Variants in TTL observed in about 807,000 individuals in gnomAD.
TTL encodes tubulin tyrosine ligase, also known as tubulin--tyrosine ligase.
TTL carries 10 observed loss-of-function variants against 41.1 expected under a neutral mutation model. The ratio of observed to expected loss-of-function variants is 0.24; its 90% CI spans 0.15 to 0.41. The LOEUF is 0.41. Among genes scored for constraint, TTL ranks in the 10% least tolerant of loss-of-function variants. The pLI is 1.00. For synonymous variants in TTL, 175 were observed against 175.5 expected (o/e 1.00, Z 0.02); for missense variants, 367 against 460.4 (o/e 0.80, Z 1.86).
intron 3 of TTL, among the ~76,000 whole-genome samples, chr2:112,496,709 ATT>A (rs1311299876): frequency 2.1e-4 from 12 of 57,186 alleles, no homozygotes; most frequent in South Asian, 1.1e-3. Flanking sequence ...GTGTGTGTGT[ATT>A]TTTTTTTTTT....
At chr2:112,500,476 C>T (rs1193152232) in intron 3 of TTL, among the ~76,000 whole-genome samples, 5 of 152,120 alleles carry the variant, frequency 3.3e-5, no homozygotes, top group African/African-American at 9.7e-5. Flanking sequence ...GAGGCTGAGG[C>T]AGGAGAATTG....
rs1229065980 is a variant in TTL at position 112,534,741 on chromosome 2, A to G, written c.*5946A>G. ...CAAACTGACCAAAAGACTTAGAAGGAAAAACTGGGAATGAGATTTCTATAG... is the reference window on the plus strand; with the variant it reads ...CAAACTGACCAAAAGACTTAGAAGGGAAAACTGGGAATGAGATTTCTATAG... On this transcript the variant is annotated 3_prime_UTR_variant, in exon 7 of 7. Transcript: ENST00000233336. 6.6e-6 allele frequency: 1 copy of G among 152,250 alleles called. No homozygotes were observed. Among genetic ancestry groups the G allele is most frequent in the East Asian group, 1.9e-4 (1 of 5,204 alleles). The allele number at this position is 152,250 out of a possible 1,614,324, so 9.4% of individuals were successfully genotyped here. A position where few individuals can be genotyped will look rare whatever the true frequency, so the allele number is the denominator to read the frequency against.
At chr2:112,504,071 T>TA (rs1433546083) in intron 5 of TTL, among the ~76,000 whole-genome samples, 2 of 52,002 alleles carry the variant, frequency 3.8e-5, no homozygotes, top group East Asian at 1.0e-3. Flanking sequence ...GTGTTTGGTT[T>TA]TTTGTTCTTG....
In TTL at chr2:112,535,498, C is replaced by T. The variant is rs1242489867; in HGVS notation, c.*6703C>T. ...CAGGAAAGACTCAAAGAGTCCACCT[C>T]AAGACACACCAGCCACTAAGTAAAT... On this transcript the variant is annotated 3_prime_UTR_variant, in exon 7 of 7. Transcript: ENST00000233336. The T allele has an allele frequency of 6.6e-6, 1 of 151,812 alleles. No individual in the cohort carries two copies. The highest frequency in any genetic ancestry group is 1.5e-5 in the Non-Finnish European group (1 of 67,974). 9.4% of individuals were successfully genotyped at this position (151,812 alleles called of 1,614,324 possible). A position where few individuals can be genotyped will look rare whatever the true frequency, so the allele number is the denominator to read the frequency against.
rs1681112621 is a variant in TTL at position 112,482,351 on chromosome 2, A to T, written c.7A>T (p.Thr3Ser). The T allele has an allele frequency of 6.4e-7, 1 of 1,551,684 alleles. No homozygotes were observed. Among genetic ancestry groups the T allele is most frequent in the East Asian group, 2.5e-5 (1 of 40,538 alleles). Residue 3 changes from threonine (T) to serine (S), a missense_variant, in exon 1 of 7, where the codon ACC (threonine) becomes TCC (serine). Thr to Ser is a moderately conservative substitution (Grantham distance 58, BLOSUM62 1). Coordinates refer to ENST00000233336, the MANE Select transcript of TTL (RefSeq NM_153712.5). This position sits in a 1 kb window ranked among gnomAD's most constrained non-coding sequence, Gnocchi z 5.3. The part of the protein sequence containing the change: MY[T>S]FVVRDENSSV... Reference sequence around the variant, plus strand: ...GGGCGCGCGGCGCTTCGCCATGTACACCTTCGTGGTACGCGATGAGAACAG... The same window carrying T: ...GGGCGCGCGGCGCTTCGCCATGTACTCCTTCGTGGTACGCGATGAGAACAG...
intron 5 of TTL, among the ~76,000 whole-genome samples, chr2:112,515,098 T>C (rs1483863609): frequency 6.6e-6 from 1 of 152,190 alleles, no homozygotes; most frequent in Admixed American, 6.5e-5. Flanking sequence ...ATTATAGTTG[T>C]CTTATGAAAT....
rs1024208374 is a variant in TTL, at chr2:112,535,293, C to T, written c.*6498C>T. Reference sequence around the variant, plus strand: ...AATCAGCAAAGAAAAATGATCAGTGCTTCAGACACCCGTCAGACACCATCA... The same window carrying T: ...AATCAGCAAAGAAAAATGATCAGTGTTTCAGACACCCGTCAGACACCATCA... On this transcript the variant is annotated 3_prime_UTR_variant, in exon 7 of 7. Transcript: ENST00000233336. 4 of 151,958 alleles carry T rather than the reference C, an allele frequency of 2.6e-5. No individual in the cohort carries two copies. The highest frequency in any genetic ancestry group is 2.6e-4 in the Admixed American group (4 of 15,248). 9.4% of individuals were successfully genotyped at this position (151,958 alleles called of 1,614,324 possible). A position where few individuals can be genotyped will look rare whatever the true frequency, so the allele number is the denominator to read the frequency against.
intron 3 of TTL, among the ~76,000 whole-genome samples, chr2:112,494,762 C>G (rs188476062): frequency 1.3e-5 from 2 of 152,330 alleles, no homozygotes; most frequent in East Asian, 3.9e-4. Flanking sequence ...CTACTGTATT[C>G]TTTACAATCT....
In TTL at chr2:112,539,838, C is replaced by T. The variant is rs1260693488; in HGVS notation, c.*11043C>T. On this transcript the variant is annotated 3_prime_UTR_variant, in exon 7 of 7. Coordinates refer to ENST00000233336, the MANE Select transcript of TTL (RefSeq NM_153712.5). ...AAGAGTTTAGCAAGATTGCCAGACACAAGATCAATATACAAAACTCAATGG... is the reference window on the plus strand; with the variant it reads ...AAGAGTTTAGCAAGATTGCCAGACATAAGATCAATATACAAAACTCAATGG... 2.0e-5 allele frequency: 3 copies of T among 152,122 alleles called. No homozygotes were observed. Among genetic ancestry groups the T allele is most frequent in the African/African-American group, 7.2e-5 (3 of 41,404 alleles). The allele number at this position is 152,122 out of a possible 1,614,324, so 9.4% of individuals were successfully genotyped here.
chr2:112,526,932 TA>T (rs1322210275), intron 6 of TTL, among the ~76,000 whole-genome samples: 1 of 152,262 alleles, frequency 6.6e-6, no homozygotes, highest in Non-Finnish European at 1.5e-5. Context: ...TTTAGTGCTA[TA>T]AATTTCTGTC....
At position 112,535,435 on chromosome 2, in the gene TTL, A is replaced by C. The variant is rs1682581211; in HGVS notation, c.*6640A>C. On this transcript the variant is annotated 3_prime_UTR_variant, in exon 7 of 7. Transcript: ENST00000233336. ...AAAACCTTTCCCACTTTGAGGAAAA[A>C]CATTAAAGTGAATCCAAGAAGCTCA... 1 of 152,208 alleles carries C rather than the reference A, an allele frequency of 6.6e-6. No homozygotes were observed. The highest frequency in any genetic ancestry group is 2.1e-4 in the South Asian group (1 of 4,826). 9.4% of individuals were successfully genotyped at this position (152,208 alleles called of 1,614,324 possible). A position where few individuals can be genotyped will look rare whatever the true frequency, so the allele number is the denominator to read the frequency against.
At chr2:112,525,368 A>G (rs1374204219) in intron 6 of TTL, among the ~76,000 whole-genome samples, 1 of 152,182 alleles carries the variant, frequency 6.6e-6, no homozygotes, top group African/African-American at 2.4e-5. Flanking sequence ...TTGAATCTAT[A>G]AATTACCTTG....
rs1388771453 is a variant in TTL at position 112,535,581 on chromosome 2, T to C, written c.*6786T>C. 2 of 149,564 alleles carry C rather than the reference T, an allele frequency of 1.3e-5. No homozygotes were observed. The highest frequency in any genetic ancestry group is 2.1e-4 in the South Asian group (1 of 4,748). 9.3% of individuals were successfully genotyped at this position (149,564 alleles called of 1,614,324 possible). On this transcript the variant is annotated 3_prime_UTR_variant, in exon 7 of 7. Coordinates refer to ENST00000233336, the MANE Select transcript of TTL (RefSeq NM_153712.5). ...AACAGAAATGTTACACTAGAAAATA[T>C]ATAAGAAAAGAGAAGGAAGTAATGA... is the stretch of plus-strand genomic sequence containing the variant.
intron 6 of TTL, chr2:112,522,393 C>T (rs1303438955): frequency 6.6e-6 from 1 of 152,650 alleles, no homozygotes; most frequent in African/African-American, 2.4e-5. Context: ...TCCCCACCCC[C>T]TTGGACCTGT....
Position 112,529,244 on chromosome 2 carries a change from G to T in TTL, c.*449G>T, listed in dbSNP as rs1241883220. 1 of 278,352 alleles carries T rather than the reference G, an allele frequency of 3.6e-6. No individual in the cohort carries two copies. The highest frequency in any genetic ancestry group is 6.9e-6 in the Non-Finnish European group (1 of 145,176). 17.2% of individuals were successfully genotyped at this position (278,352 alleles called of 1,614,324 possible). On this transcript the variant is annotated 3_prime_UTR_variant, in exon 7 of 7. Coordinates refer to ENST00000233336, the MANE Select transcript of TTL (RefSeq NM_153712.5). Reference sequence around the variant, plus strand: ...CCACCCATCCCTTCGGTAACACTCTGCCACACTAAGCTCTGTACAAGCATG... The same window carrying T: ...CCACCCATCCCTTCGGTAACACTCTTCCACACTAAGCTCTGTACAAGCATG...
At chr2:112,510,286 T>C (rs561360987) in intron 5 of TTL, among the ~76,000 whole-genome samples, 1 of 152,142 alleles carries the variant, frequency 6.6e-6, no homozygotes, top group Admixed American at 6.5e-5. Context: ...TACACCACTG[T>C]GCCTGGCTAA....
In TTL at chr2:112,533,305, G is replaced by A. The variant is rs1249221427; in HGVS notation, c.*4510G>A. On this transcript the variant is annotated 3_prime_UTR_variant, in exon 7 of 7. Coordinates refer to ENST00000233336, the MANE Select transcript of TTL (RefSeq NM_153712.5). ...CAGGGTGCAGGGTGCAAGCAGACAT[G>A]GATCCAGGCAGGCACCTACTTAGGA... 1 of 152,400 alleles carries A rather than the reference G, an allele frequency of 6.6e-6. No individual in the cohort carries two copies. Among genetic ancestry groups the A allele is most frequent in the Non-Finnish European group, 1.5e-5 (1 of 68,266 alleles). The allele number at this position is 152,400 out of a possible 1,614,324, so 9.4% of individuals were successfully genotyped here. A position where few individuals can be genotyped will look rare whatever the true frequency, so the allele number is the denominator to read the frequency against.
rs1574049978 is a variant in TTL, at chr2:112,482,702, C to T, written c.157+201C>T. ...TTGTCTCCTAACTTGGATTTAGAGTCGGAGTCGCGGTGCGGCCACTCGGGG... is the reference window on the plus strand; with the variant it reads ...TTGTCTCCTAACTTGGATTTAGAGTTGGAGTCGCGGTGCGGCCACTCGGGG... On this transcript the variant is annotated intron_variant, in intron 1 of 6. Coordinates refer to ENST00000233336, the MANE Select transcript of TTL (RefSeq NM_153712.5). The surrounding 1 kb of genome is among the most constrained non-coding windows in gnomAD (Gnocchi z 5.3). Among the ~76,000 whole-genome samples, 3 of 152,082 alleles carry T rather than the reference C, an allele frequency of 2.0e-5. No homozygotes were observed. The East Asian group carries it at 5.8e-4, about 30-fold the overall frequency.
At chr2:112,494,068 A>C in intron 2 of TTL, 75 bp from the exon 3 acceptor site, 3 of 1,149,114 alleles carry the variant, frequency 2.6e-6, no homozygotes, top group Non-Finnish European at 3.8e-6. Flanking sequence ...TCTCTGGGGG[A>C]AAGGAGTGGC....
Sources: gnomAD v4.1 joint callset for allele counts (sites outside exome capture counted in the v4.1 genomes callset) on GRCh38, gnomAD v4.1.1 for gene constraint, Gnocchi (gnomAD v3.1) non-coding constraint, MANE v1.5 for transcripts, NCBI Gene and HGNC (gene_info 2026-07-23, HGNC 2026-07-21) for gene names.